Variants in OTUD7B observed in about 807,000 individuals in gnomAD.
The protein encoded by OTUD7B is OTU deubiquitinase 7B.
OTUD7B carries 34 observed loss-of-function variants against 82.2 expected under a neutral mutation model. The ratio of observed to expected loss-of-function variants is 0.41; its 90% confidence interval spans 0.31 to 0.55. OTUD7B has a LOEUF of 0.55. OTUD7B is among the 20% of genes least tolerant of loss of function. The pLI, the probability that OTUD7B is intolerant of heterozygous loss-of-function variation, is 0.20. For synonymous variants in OTUD7B, 398 were observed against 402.7 expected, an observed-to-expected ratio of 0.99 and a Z score of 0.14; for missense variants, 944 against 1,062.1, an observed-to-expected ratio of 0.89 and a Z score of 1.55.
chr1:150,060,940 T>G, the OTUD7B span, among the ~76,000 whole-genome samples: 1 of 152,156 alleles, frequency 6.6e-6, no homozygotes, highest in Non-Finnish European at 1.5e-5. Context: ...CTTTTTTTTC[T>G]GAGACCGGGT....
the OTUD7B span, among the ~76,000 whole-genome samples, chr1:150,035,618 C>T: frequency 6.6e-6 from 1 of 152,192 alleles, no homozygotes; most frequent in African/African-American, 2.4e-5. Flanking sequence ...GTCATTTTTA[C>T]AGTTGCAATA....
In OTUD7B at chr1:149,945,040, G is replaced by A. The variant is rs782306210; in HGVS notation, c.1349C>T (p.Pro450Leu). The A allele has an allele frequency of 6.2e-7, 1 of 1,613,936 alleles. No homozygotes were observed. Among genetic ancestry groups the A allele is most frequent in the South Asian group, 1.1e-5 (1 of 91,078 alleles). Residue 450 changes from proline (P) to leucine (L), a missense_variant, in exon 12 of 12, where the codon CCC (proline) becomes CTC (leucine). Pro to Leu is a moderately conservative substitution (Grantham distance 98). Transcript: ENST00000581312. ...GGGCTCATCTCCAGCTGAGGCGGTG[G>A]GGGACTCAGGCTGGGCCAGAGGAGC... The part of the protein sequence containing the change: ...AQAPLAQPES[P>L]TASAGDEPRS...
At chr1:149,986,501 T>A (rs1363983992) in intron 1 of OTUD7B, among the ~76,000 whole-genome samples, 1 of 152,120 alleles carries the variant, frequency 6.6e-6, no homozygotes, top group African/African-American at 2.4e-5. Context: ...ATAATAACCC[T>A]CTATTAAAAT....
intron 1 of OTUD7B, among the ~76,000 whole-genome samples, chr1:149,998,394 A>G (rs1652053263): frequency 6.6e-6 from 1 of 152,144 alleles, no homozygotes; most frequent in African/African-American, 2.4e-5. Context: ...GTCTCACTCC[A>G]ATTTATCTAA....
At chr1:149,959,959 T>C (rs1649016840) in intron 6 of OTUD7B, among the ~76,000 whole-genome samples, 163 bp from the exon 7 acceptor site, 1 of 152,216 alleles carries the variant, frequency 6.6e-6, no homozygotes, top group Non-Finnish European at 1.5e-5. Flanking sequence ...ACAGTCAAGA[T>C]CCATGAACTA....
chr1:150,054,808 CAAAAAAA>C, the OTUD7B span: 9 of 41,738 alleles, frequency 2.2e-4, no homozygotes, highest in East Asian at 2.1e-3. Flanking sequence ...AACTCAGTCT[CAAAAAAA>C]AAAAAAAAAA....
At chr1:149,989,417 G>C (rs1651405464) in intron 1 of OTUD7B, among the ~76,000 whole-genome samples, 1 of 147,846 alleles carries the variant, frequency 6.8e-6, no homozygotes, top group African/African-American at 2.5e-5. Flanking sequence ...AGTTTGCACT[G>C]AGCCGAAATC....
At chr1:149,952,551 T>C (rs1648345449) in intron 7 of OTUD7B, among the ~76,000 whole-genome samples, 1 of 152,218 alleles carries the variant, frequency 6.6e-6, no homozygotes, top group Non-Finnish European at 1.5e-5. Context: ...TTATAATCCT[T>C]TGGGTATATA....
chr1:149,960,011 T>C (rs1553775339), intron 6 of OTUD7B, among the ~76,000 whole-genome samples: 1 of 152,194 alleles, frequency 6.6e-6, no homozygotes, highest in African/African-American at 2.4e-5. Flanking sequence ...CCATTCTTTT[T>C]GACCTACTGC....
At chr1:150,056,354 T>TTCATC in the OTUD7B span, among the ~76,000 whole-genome samples, 2 of 152,172 alleles carry the variant, frequency 1.3e-5, no homozygotes, top group African/African-American at 4.8e-5. Context: ...TATTCTAAAA[T>TTCATC]TCATCTCATG....
chr1:149,988,958 A>G (rs1651376258), intron 1 of OTUD7B, among the ~76,000 whole-genome samples: 1 of 152,192 alleles, frequency 6.6e-6, no homozygotes, highest in Admixed American at 6.5e-5. Flanking sequence ...CAATTCTCAA[A>G]CATTTATTCA....
chr1:150,044,562 T>G, the OTUD7B span, among the ~76,000 whole-genome samples: 380 of 151,130 alleles, frequency 2.5e-3, 3 homozygotes, highest in African/African-American at 8.7e-3. Flanking sequence ...CCCAGCTACT[T>G]GGGAGGCTGA....
At chr1:150,020,896 C>G in the OTUD7B span, among the ~76,000 whole-genome samples, 1 of 152,168 alleles carries the variant, frequency 6.6e-6, no homozygotes, top group Non-Finnish European at 1.5e-5. Flanking sequence ...AGTTTCCAAA[C>G]AGGGTGTGGA....
chr1:150,046,700 C>T, the OTUD7B span, among the ~76,000 whole-genome samples: 1 of 150,326 alleles, frequency 6.7e-6, no homozygotes, highest in Non-Finnish European at 1.5e-5. Flanking sequence ...CCACCCGCCT[C>T]GTCCTCCCAA....
In OTUD7B at chr1:149,944,150, G is replaced by T. The variant is rs781786779; in HGVS notation, c.2239C>A (p.Pro747Thr). 1 of 1,613,932 alleles carries T rather than the reference G, an allele frequency of 6.2e-7. No homozygotes were observed. Among genetic ancestry groups the T allele is most frequent in the Non-Finnish European group, 8.5e-7 (1 of 1,179,960 alleles). ...GRPYPHQDSI[P>T]SLEPGSHSKD... is the part of the protein sequence containing the mutation. The stretch of plus-strand genomic sequence containing the variant: ...GAGTGGCTGCCTGGCTCCAGAGAAG[G>T]GATGCTGTCCTGGTGGGGGTAGGGT... Residue 747 changes from proline (P) to threonine (T), a missense_variant, in exon 12 of 12, where the codon CCT (proline) becomes ACT (threonine). Physicochemically the swap from Pro to Thr is conservative, Grantham distance 38 (BLOSUM62 -1). Around this residue, in one of 3 missense-constraint regions of OTUD7B, gnomAD observed 412 missense variants for 418.7 expected, o/e 0.98. Coordinates refer to ENST00000581312, the MANE Select transcript of OTUD7B (RefSeq NM_020205.4).
chr1:150,059,818 A>T, the OTUD7B span, among the ~76,000 whole-genome samples: 1 of 152,244 alleles, frequency 6.6e-6, no homozygotes, highest in Non-Finnish European at 1.5e-5. Context: ...AAATTATTTT[A>T]AAATTATTTT....
chr1:150,055,041 CTTTT>C, the OTUD7B span: 3 of 141,680 alleles, frequency 2.1e-5, no homozygotes, highest in Admixed American at 1.5e-4. Flanking sequence ...TCTAAATTTC[CTTTT>C]TTTTTTTTTT....
chr1:149,981,012 TTCAAAA>T (rs1559852668), intron 1 of OTUD7B, among the ~76,000 whole-genome samples: 1 of 33,196 alleles, frequency 3.0e-5, no homozygotes, highest in African/African-American at 1.5e-4. Flanking sequence ...GAGACCCTGT[TTCAAAA>T]AAAAAAAAAA....
At chr1:150,038,442 T>A in the OTUD7B span, among the ~76,000 whole-genome samples, 1 of 151,888 alleles carries the variant, frequency 6.6e-6, no homozygotes, top group African/African-American at 2.4e-5. Context: ...GCTGGAGTGC[T>A]GTGGCATGAT....
Sources: gnomAD v4.1 joint callset for allele counts (sites outside exome capture counted in the v4.1 genomes callset) on GRCh38, gnomAD v4.1.1 for gene constraint, gnomAD v4.1.1 regional missense constraint, MANE v1.5 for transcripts, NCBI Gene and HGNC (gene_info 2026-07-23, HGNC 2026-07-21) for gene names.